The following SCUBE1 variants were observed in gnomAD, a reference collection of about 807,000 sequenced individuals.
SCUBE1 encodes signal peptide, CUB domain and EGF like domain containing 1, also known as signal peptide, CUB and EGF-like domain-containing protein 1.
A neutral mutation model predicts 124.4 loss-of-function variants in SCUBE1; 59 were observed. That is an observed-to-expected ratio of 0.47 (90% CI 0.38 to 0.59). The LOEUF is 0.59. SCUBE1 is among the 20% of genes least tolerant of loss of function. SCUBE1 has a pLI of 0.00. For missense variants in SCUBE1, 1,150 were observed against 1,371.2 expected (o/e 0.84, Z 2.55); for synonymous variants, 545 against 550.9 (o/e 0.99, Z 0.15).
chr22:43,229,222 GAGTTTGAGGGAGT>G, intron 8 of SCUBE1, 34 bp from the exon 9 acceptor site: 2 of 1,085,104 alleles, frequency 1.8e-6, no homozygotes, highest in Non-Finnish European at 2.8e-6. Context: ...GTTGGGGGAG[GAGTTTGAGGGAGT>G]GGTGGGTGGG....
At chr22:43,337,139 A>G (rs985539696) in intron 2 of SCUBE1, among the ~76,000 whole-genome samples, 1 of 152,150 alleles carries the variant, frequency 6.6e-6, no homozygotes, top group African/African-American at 2.4e-5. Flanking sequence ...GCAGGACAAA[A>G]CAATTTCCTT....
chr22:43,240,847 T>G (rs998800204), intron 6 of SCUBE1, among the ~76,000 whole-genome samples: 1 of 152,140 alleles, frequency 6.6e-6, no homozygotes, highest in African/African-American at 2.4e-5. Context: ...TTCTCAGCTT[T>G]TCCTGTGGGA....
In SCUBE1 at chr22:43,198,147, G is replaced by A. The variant is rs1437481470; in HGVS notation, c.*5850C>T. The A allele has an allele frequency of 9.2e-6, 2 of 217,568 alleles. No homozygotes were observed. The highest frequency in any genetic ancestry group is 9.3e-6 in the Non-Finnish European group (1 of 107,386). 13.5% of individuals were successfully genotyped at this position (217,568 alleles called of 1,614,324 possible). On this transcript the variant is annotated 3_prime_UTR_variant, in exon 22 of 22. Transcript: ENST00000360835. ...ACCATCTACATGGGGCTGGGGGGAT[G>A]GAATGTGTGGATATTAGAGGGTTGA...
chr22:43,266,222 C>T (rs764148066), intron 4 of SCUBE1, among the ~76,000 whole-genome samples: 21 of 152,218 alleles, frequency 1.4e-4, no homozygotes, highest in African/African-American at 2.2e-4. Context: ...CAGGCTCACC[C>T]GCTGCATGGT....
At position 43,202,707 on chromosome 22, in the gene SCUBE1, G is replaced by A. The variant is rs1054095270; in HGVS notation, c.*1290C>T. ...TTTCCTGAGGCCTCCCAAGCCATGT[G>A]GAAATGTGAGTCAATTCAACCTCTT... On this transcript the variant is annotated 3_prime_UTR_variant, in exon 22 of 22. Coordinates refer to ENST00000360835, the MANE Select transcript of SCUBE1 (RefSeq NM_173050.5). 1 of 152,256 alleles carries A rather than the reference G, an allele frequency of 6.6e-6. No individual in the cohort carries two copies. The highest frequency in any genetic ancestry group is 1.9e-4 in the East Asian group (1 of 5,192). The allele number at this position is 152,256 out of a possible 1,614,324, so 9.4% of individuals were successfully genotyped here.
chr22:43,280,270 A>T (rs1052037746), intron 4 of SCUBE1, among the ~76,000 whole-genome samples: 6 of 151,936 alleles, frequency 3.9e-5, no homozygotes, highest in African/African-American at 1.5e-4. Context: ...GAGCCACCGA[A>T]ACTTAAATAT....
At chr22:43,220,660 C>A in intron 13 of SCUBE1, 73 bp from the exon 14 acceptor site, 1 of 1,554,592 alleles carries the variant, frequency 6.4e-7, no homozygotes, top group Non-Finnish European at 8.7e-7. Flanking sequence ...GCCCTGCATA[C>A]AGAGTGCCAT....
intron 1 of SCUBE1, among the ~76,000 whole-genome samples, chr22:43,342,433 C>T (rs1169982543): frequency 6.6e-5 from 10 of 152,198 alleles, no homozygotes; most frequent in Non-Finnish European, 1.3e-4. Context: ...TCCTGTCAGA[C>T]GGTCCCGGTC....
chr22:43,322,386 C>A (rs545946455), intron 2 of SCUBE1, among the ~76,000 whole-genome samples: 1 of 152,198 alleles, frequency 6.6e-6, no homozygotes, highest in Non-Finnish European at 1.5e-5. Flanking sequence ...ACCTCTTCCC[C>A]TGGGTATTCC....
intron 3 of SCUBE1, among the ~76,000 whole-genome samples, chr22:43,319,558 CAAAAAAAAAAAAA>C: frequency 1.8e-5 from 1 of 55,198 alleles, no homozygotes; most frequent in Non-Finnish European, 3.1e-5. Context: ...GACTCCATCT[CAAAAAAAAAAAAA>C]AAAAAAAAAG....
intron 3 of SCUBE1, among the ~76,000 whole-genome samples, chr22:43,303,434 T>C (rs909358322): frequency 6.6e-6 from 1 of 152,236 alleles, no homozygotes; most frequent in African/African-American, 2.4e-5. Context: ...AGTCCCTCCC[T>C]GTCAGGCCCC....
intron 5 of SCUBE1, among the ~76,000 whole-genome samples, chr22:43,261,066 C>T (rs549418160): frequency 6.6e-6 from 1 of 152,398 alleles, no homozygotes; most frequent in African/African-American, 2.4e-5. Context: ...ATGCACTGTC[C>T]TTCTGGCCAG....
At chr22:43,303,978 T>C (rs1013678221) in intron 3 of SCUBE1, among the ~76,000 whole-genome samples, 1 of 152,234 alleles carries the variant, frequency 6.6e-6, no homozygotes, top group African/African-American at 2.4e-5. Context: ...CTTTGTGCAG[T>C]CCACAGTGGG....
chr22:43,241,329 C>T (rs1022949410), intron 6 of SCUBE1, among the ~76,000 whole-genome samples: 21 of 151,986 alleles, frequency 1.4e-4, no homozygotes, highest in East Asian at 3.9e-4. Flanking sequence ...GGCCCTGCTC[C>T]GCCTCCCACT....
At chr22:43,252,764 T>A (rs1923503369) in intron 6 of SCUBE1, among the ~76,000 whole-genome samples, 1 of 152,150 alleles carries the variant, frequency 6.6e-6, no homozygotes, top group African/African-American at 2.4e-5. Flanking sequence ...AGGGACTGGC[T>A]CTGAATGTGA....
chr22:43,336,183 C>T (rs1222376112), intron 2 of SCUBE1, among the ~76,000 whole-genome samples: 1 of 152,104 alleles, frequency 6.6e-6, no homozygotes, highest in Non-Finnish European at 1.5e-5. Context: ...GCCCGCACAA[C>T]CAAAGGAGAA....
At chr22:43,311,615 C>T (rs549691782) in intron 3 of SCUBE1, among the ~76,000 whole-genome samples, 14 of 151,180 alleles carry the variant, frequency 9.3e-5, no homozygotes, top group Non-Finnish European at 1.9e-4. Flanking sequence ...TTAGTAGAAA[C>T]GGTGTTTCAC....
chr22:43,268,042 AC>A, intron 4 of SCUBE1, among the ~76,000 whole-genome samples: 1 of 151,244 alleles, frequency 6.6e-6, no homozygotes, highest in Non-Finnish European at 1.5e-5. Context: ...GCTTGGAAGG[AC>A]CCCCCGGGCC....
Position 43,218,265 on chromosome 22 carries a change from G to A in SCUBE1, c.1881C>T (p.Asp627=). The change falls in exon 15 of 22, where the codon GAC becomes GAT. Residue 627 remains aspartate (D), a synonymous_variant. Coordinates refer to ENST00000360835, the MANE Select transcript of SCUBE1 (RefSeq NM_173050.5). ...GACGAGQVLQ[D]SKCVACGPGT... ...TGGGCAAGGACTCACCGCATTTGCT[G>A]TCCTGTAGCACCTGGCCTGCGCCAC... 2 of 1,613,040 alleles carry A rather than the reference G, an allele frequency of 1.2e-6. No homozygotes were observed. Among genetic ancestry groups the A allele is most frequent in the East Asian group, 2.2e-5 (1 of 44,890 alleles).
Sources: gnomAD v4.1 joint callset for allele counts (sites outside exome capture counted in the v4.1 genomes callset) on GRCh38, gnomAD v4.1.1 for gene constraint, MANE v1.5 for transcripts, NCBI Gene and HGNC (gene_info 2026-07-23, HGNC 2026-07-21) for gene names.